SULT4A1: variants seen among roughly 807,000 people sequenced by gnomAD.
SULT4A1 encodes the protein sulfotransferase 4A1.
A neutral mutation model predicts 35.2 loss-of-function variants in SULT4A1; 11 were observed. The observed-to-expected ratio is 0.31, with a 90% CI of 0.20 to 0.52. SULT4A1 has a LOEUF of 0.52. Ranked by LOEUF, SULT4A1 falls within the 20% of genes least tolerant of loss-of-function variation. The pLI is 0.97. For synonymous variants in SULT4A1, 152 were observed against 151.8 expected (o/e 1.00, Z -0.01); for missense variants, 271 against 383.7 (o/e 0.71, Z 2.45).
chr22:43,830,448 T>A (rs1231693129), intron 5 of SULT4A1, among the ~76,000 whole-genome samples: 1 of 152,236 alleles, frequency 6.6e-6, no homozygotes, highest in Non-Finnish European at 1.5e-5. Flanking sequence ...CACAGGACAC[T>A]TGCTGGTTAT....
chr22:43,835,147 C>T lies in SULT4A1; in HGVS notation c.509-1413G>A, dbSNP rs541077200. ...CGCAGCCCTGAGCTTCCCGCGCCCC[C>T]ACCGCAGCCCTGAGCTTCCTGCGTG... On this transcript the variant is annotated intron_variant, in intron 4 of 6. Transcript: ENST00000330884. 6.8e-5 allele frequency among the ~76,000 whole-genome samples: 10 copies of T among 147,598 alleles called. No individual in the cohort carries two copies. In the East Asian group the frequency reaches 1.7e-3, roughly 26 times the overall value.
chr22:43,853,797 T>C (rs1481286501), intron 1 of SULT4A1, among the ~76,000 whole-genome samples: 4 of 152,346 alleles, frequency 2.6e-5, no homozygotes, highest in African/African-American at 9.6e-5. Flanking sequence ...AAGAGGCTGC[T>C]GCACCTTCAG....
At chr22:43,833,568 G>A in intron 5 of SULT4A1, 72 bp downstream of exon 5, 1 of 1,086,660 alleles carries the variant, frequency 9.2e-7, no homozygotes. Flanking sequence ...CCACTGTAAA[G>A]GGCTCCTGCG....
intron 6 of SULT4A1, chr22:43,827,603 C>G (rs2063296654): frequency 7.3e-7 from 1 of 1,366,326 alleles, no homozygotes; most frequent in African/African-American, 1.5e-5. Context: ...TGCATTCTCA[C>G]CAACTCAAGA....
chr22:43,826,192 A>T, intron 6 of SULT4A1, 79 bp from the exon 7 acceptor site: 1 of 1,586,582 alleles, frequency 6.3e-7, no homozygotes, highest in Non-Finnish European at 8.5e-7. Flanking sequence ...TTGGAAATGG[A>T]TCTGGAACAT....
rs1243066372 is a variant in SULT4A1, at chr22:43,825,847, T to C, written c.*154A>G. The stretch of plus-strand genomic sequence containing the variant: ...GACAGCTGCTTTCGGTTGGGAATCA[T>C]CACACTCCCTCCGCTCACGCCGCTC... On this transcript the variant is annotated 3_prime_UTR_variant, in exon 7 of 7. Coordinates refer to ENST00000330884, the MANE Select transcript of SULT4A1 (RefSeq NM_014351.4). 1 of 708,362 alleles carries C rather than the reference T, an allele frequency of 1.4e-6. No individual in the cohort carries two copies. The highest frequency in any genetic ancestry group is 2.8e-5 in the East Asian group (1 of 35,658). The allele number at this position is 708,362 out of a possible 1,614,324, so 43.9% of individuals were successfully genotyped here.
At chr22:43,860,733 G>A (rs965581575) in intron 1 of SULT4A1, among the ~76,000 whole-genome samples, 5 of 152,184 alleles carry the variant, frequency 3.3e-5, no homozygotes, top group African/African-American at 1.2e-4. Flanking sequence ...TCAGAGAAGT[G>A]ACACAAACCT....
At chr22:43,856,991 T>A (rs568477077) in intron 1 of SULT4A1, among the ~76,000 whole-genome samples, 59 of 152,242 alleles carry the variant, frequency 3.9e-4, no homozygotes, top group African/African-American at 1.3e-3. Flanking sequence ...TCAACAGAAT[T>A]AGACTCATGG....
chr22:43,839,851 G>T (rs2063410046), intron 3 of SULT4A1, 94 bp downstream of exon 3: 1 of 1,218,188 alleles, frequency 8.2e-7, no homozygotes, highest in East Asian at 2.5e-5. Context: ...CCAAGGCCAG[G>T]TAAGTGCCAG....
chr22:43,836,095 C>T (rs1420461124), intron 4 of SULT4A1, among the ~76,000 whole-genome samples: 1 of 152,288 alleles, frequency 6.6e-6, no homozygotes, highest in Non-Finnish European at 1.5e-5. Context: ...GACACGGTCA[C>T]AGAGGCTGCA....
chr22:43,824,731 C>G lies in SULT4A1; in HGVS notation c.*1270G>C, dbSNP rs2063274994. The G allele has an allele frequency of 6.6e-6, 1 of 152,268 alleles. No individual in the cohort carries two copies. Among genetic ancestry groups the G allele is most frequent in the Non-Finnish European group, 1.5e-5 (1 of 68,030 alleles). The allele number at this position is 152,268 out of a possible 1,614,324, so 9.4% of individuals were successfully genotyped here. A position where few individuals can be genotyped will look rare whatever the true frequency, so the allele number is the denominator to read the frequency against. On this transcript the variant is annotated 3_prime_UTR_variant, in exon 7 of 7. Transcript: ENST00000330884. ...TCCCCATTACAAACAAAAACACAAG[C>G]TTCTCTCTACACCCGTTTCAAATAC...
intron 1 of SULT4A1, among the ~76,000 whole-genome samples, chr22:43,858,790 C>G (rs2148310556): frequency 6.6e-6 from 1 of 152,308 alleles, no homozygotes; most frequent in Non-Finnish European, 1.5e-5. Context: ...TACCCCAGCC[C>G]TTTGTCCTCC....
intron 5 of SULT4A1, among the ~76,000 whole-genome samples, chr22:43,830,946 A>G (rs1033050381): frequency 3.9e-5 from 6 of 152,214 alleles, no homozygotes; most frequent in Non-Finnish European, 7.3e-5. Flanking sequence ...GACCTCCATT[A>G]AAACAAGCCA....
rs371468251 is a variant in SULT4A1, at chr22:43,841,879, C to T, written c.223G>A (p.Asp75Asn). The T allele has an allele frequency of 5.0e-6, 8 of 1,613,878 alleles. No individual in the cohort carries two copies. The highest frequency in any genetic ancestry group is 2.2e-5 in the East Asian group (1 of 44,872). Residue 75 changes from aspartate to asparagine, a missense_variant, in exon 2 of 7, where the codon GAT becomes AAT. Around this residue, in one of 3 missense-constraint regions of SULT4A1, gnomAD observed 164 missense variants for 254.1 expected, o/e 0.65. Coordinates refer to ENST00000330884, the MANE Select transcript of SULT4A1 (RefSeq NM_014351.4). ...VYLVSQGADP[D>N]EIGLMNIDEQ... ...TCGATGTTCATCAAGCCGATCTCAT[C>T]GGGGTCAGCGCCCTGGCTCACCAAG...
rs1034765939 is a variant in SULT4A1, at chr22:43,847,773, A to G, written c.170-5841T>C. On this transcript the variant is annotated intron_variant, in intron 1 of 6. Transcript: ENST00000330884. ...TGCCTGGTCCCACAGAGCCCTGGAC[A>G]CTGTCCTAGCACACTGTCACGCTGT... is the stretch of plus-strand genomic sequence containing the variant. Among the ~76,000 whole-genome samples the G allele has an allele frequency of 3.3e-5, 5 of 152,210 alleles. No individual in the cohort carries two copies. In the South Asian group the frequency reaches 1.0e-3, roughly 31 times the overall value.
chr22:43,854,218 T>C (rs1465728485), intron 1 of SULT4A1, among the ~76,000 whole-genome samples: 1 of 152,210 alleles, frequency 6.6e-6, no homozygotes, highest in Non-Finnish European at 1.5e-5. Flanking sequence ...ATAAAGGTCC[T>C]GCTCTGACTC....
At chr22:43,829,278 G>A (rs924955215) in intron 5 of SULT4A1, 80 bp from the exon 6 acceptor site, 7 of 1,410,086 alleles carry the variant, frequency 5.0e-6, no homozygotes, top group African/African-American at 2.9e-5. Flanking sequence ...CTGGGCACAC[G>A]CTGAGGACTT....
intron 1 of SULT4A1, among the ~76,000 whole-genome samples, chr22:43,843,362 C>A (rs919050331): frequency 5.3e-5 from 8 of 152,228 alleles, no homozygotes; most frequent in Non-Finnish European, 2.9e-5. Context: ...GTAGAGGCTG[C>A]AGTGAGCTGT....
At chr22:43,840,171 G>A (rs962365690) in intron 2 of SULT4A1, 146 bp from the exon 3 acceptor site, 62 of 631,002 alleles carry the variant, frequency 9.8e-5, no homozygotes, top group Non-Finnish European at 1.1e-5. Context: ...CGGGTCTAGG[G>A]TAGCGGAGGG....
Sources: allele counts gnomAD v4.1 joint callset (sites outside exome capture counted in the v4.1 genomes callset), GRCh38; gene constraint gnomAD v4.1.1; regional missense constraint gnomAD v4.1.1; transcripts MANE v1.5; gene names NCBI Gene and HGNC (gene_info 2026-07-23, HGNC 2026-07-21).